The following RNF216 variants were observed in gnomAD, a reference collection of about 807,000 sequenced individuals.
RNF216 encodes ring finger protein 216, also known as E3 ubiquitin-protein ligase RNF216.
RNF216 carries 72 observed loss-of-function variants against 110.8 expected under a neutral mutation model. The observed-to-expected ratio is 0.65, with a 90% CI of 0.54 to 0.79. The LOEUF is 0.79. Ranked by LOEUF, RNF216 falls within the 30% of genes least tolerant of loss-of-function variation. RNF216 has a pLI of 0.00. For missense variants in RNF216, 1,342 were observed against 1,141.2 expected (o/e 1.18, Z -2.54); for synonymous variants, 495 against 407.5 (o/e 1.21, Z -2.59).
intron 13 of RNF216, among the ~76,000 whole-genome samples, chr7:5,703,524 GA>G (rs1445475151): frequency 6.6e-6 from 1 of 152,242 alleles, no homozygotes; most frequent in Non-Finnish European, 1.5e-5. Flanking sequence ...CTGCAGATGT[GA>G]ATTTTGGTTG....
At chr7:5,721,251 G>A (rs748660199) in intron 8 of RNF216, 79 bp from the exon 9 acceptor site, 172 of 1,271,278 alleles carry the variant, frequency 1.4e-4, no homozygotes, top group Non-Finnish European at 1.7e-4. Context: ...CATTCTTCCC[G>A]GCCTCATCCT....
chr7:5,630,017 G>C (rs575323191), intron 15 of RNF216, among the ~76,000 whole-genome samples: 11 of 152,154 alleles, frequency 7.2e-5, no homozygotes, highest in South Asian at 4.2e-4. Flanking sequence ...CCTGTGAAGA[G>C]GACACTTGGA....
chr7:5,697,741 G>C (rs972372143), intron 13 of RNF216, among the ~76,000 whole-genome samples: 1 of 152,114 alleles, frequency 6.6e-6, no homozygotes, highest in Non-Finnish European at 1.5e-5. Flanking sequence ...AAGGGTGCTC[G>C]CCTGGAGAAG....
intron 15 of RNF216, among the ~76,000 whole-genome samples, chr7:5,629,582 A>G (rs959773085): frequency 6.6e-6 from 1 of 151,630 alleles, no homozygotes; most frequent in Non-Finnish European, 1.5e-5. Context: ...TAATCCCAGC[A>G]CTTTGGGAGG....
chr7:5,627,542 T>TA (rs1407175787), intron 15 of RNF216, among the ~76,000 whole-genome samples: 4 of 152,010 alleles, frequency 2.6e-5, no homozygotes, highest in East Asian at 3.9e-4. Context: ...GGTCAGGAGA[T>TA]AGAGATCATC....
chr7:5,740,615 G>A (rs976057038), intron 4 of RNF216, among the ~76,000 whole-genome samples: 4 of 152,168 alleles, frequency 2.6e-5, no homozygotes, highest in African/African-American at 9.7e-5. Context: ...GAGCTAGTAA[G>A]TGCCATATTG....
chr7:5,685,187 C>T (rs937128337), intron 13 of RNF216, among the ~76,000 whole-genome samples: 3 of 152,188 alleles, frequency 2.0e-5, no homozygotes, highest in Admixed American at 1.3e-4. Context: ...GTACAATGTC[C>T]ACCACGGATG....
intron 3 of RNF216, among the ~76,000 whole-genome samples, chr7:5,751,132 A>C (rs1795307571): frequency 6.6e-6 from 1 of 152,164 alleles, no homozygotes; most frequent in Non-Finnish European, 1.5e-5. Flanking sequence ...AAAGTTTTAA[A>C]TGTTTCCATA....
chr7:5,688,132 G>A (rs564885481), intron 13 of RNF216, among the ~76,000 whole-genome samples: 33 of 152,264 alleles, frequency 2.2e-4, no homozygotes, highest in Admixed American at 1.7e-3. Context: ...CCCACAGTTG[G>A]CTGGTGGGGA....
chr7:5,779,588 C>A (rs966895738), intron 1 of RNF216, among the ~76,000 whole-genome samples: 1 of 146,272 alleles, frequency 6.8e-6, no homozygotes, highest in Non-Finnish European at 1.5e-5. Flanking sequence ...GCCTGTAATT[C>A]TTGTGCTTTG....
intron 13 of RNF216, among the ~76,000 whole-genome samples, chr7:5,661,710 T>G (rs767378243): frequency 7.9e-5 from 12 of 151,978 alleles, no homozygotes; most frequent in Non-Finnish European, 1.8e-4. Flanking sequence ...GGCTGAGGCA[T>G]GAGAATCGTT....
chr7:5,747,090 TCA>T (rs971327797), intron 3 of RNF216, among the ~76,000 whole-genome samples: 1 of 152,222 alleles, frequency 6.6e-6, no homozygotes, highest in Non-Finnish European at 1.5e-5. Flanking sequence ...TCCTGAATAT[TCA>T]CAGTCTACTA....
At chr7:5,721,282 C>T (rs562310718) in intron 8 of RNF216, 110 bp from the exon 9 acceptor site, 216 of 932,420 alleles carry the variant, frequency 2.3e-4, no homozygotes, top group East Asian at 6.0e-4. Flanking sequence ...TCTGATGGTA[C>T]GTTTCATGAC....
intron 7 of RNF216, among the ~76,000 whole-genome samples, chr7:5,725,712 T>G (rs1216888589): frequency 6.6e-6 from 1 of 151,862 alleles, no homozygotes; most frequent in Non-Finnish European, 1.5e-5. Context: ...TAGCCGGGCA[T>G]GGTGGCGCAC....
chr7:5,646,504 T>C (rs756878685), intron 14 of RNF216, among the ~76,000 whole-genome samples: 1 of 151,976 alleles, frequency 6.6e-6, no homozygotes, highest in Non-Finnish European at 1.5e-5. Context: ...CTATCCTGGC[T>C]AACACGGTGA....
chr7:5,695,573 G>A (rs539359706), intron 13 of RNF216, among the ~76,000 whole-genome samples: 1 of 152,354 alleles, frequency 6.6e-6, no homozygotes, highest in African/African-American at 2.4e-5. Context: ...CGCAGCTATA[G>A]ACAAGTTCTA....
Position 5,773,190 on chromosome 7 carries a change from C to T in RNF216, c.-70+8351G>A, listed in dbSNP as rs1332854841. 3.9e-5 allele frequency among the ~76,000 whole-genome samples: 6 copies of T among 151,920 alleles called. No individual in the cohort carries two copies. In the East Asian group the frequency reaches 1.2e-3, roughly 29 times the overall value. ...AGTAGCATGGTATTTAAAAGAACAG[C>T]TCTGGTATCAAATTTGAACTGCATC... On this transcript the variant is annotated intron_variant, in intron 1 of 16. Coordinates refer to ENST00000389902, the MANE Select transcript of RNF216 (RefSeq NM_207111.4).
intron 13 of RNF216, among the ~76,000 whole-genome samples, chr7:5,674,283 C>T (rs1371801870): frequency 6.6e-6 from 1 of 152,068 alleles, no homozygotes; most frequent in East Asian, 1.9e-4. Context: ...CCACCTCTGC[C>T]TCCCAAAGTG....
chr7:5,712,604 T>C, intron 12 of RNF216, 111 bp downstream of exon 12: 1 of 1,071,674 alleles, frequency 9.3e-7, no homozygotes, highest in Non-Finnish European at 1.4e-6. Flanking sequence ...CAGCAAGAAA[T>C]GTCAAAAAAC....
Sources: gnomAD v4.1 joint callset for allele counts (sites outside exome capture counted in the v4.1 genomes callset) on GRCh38, gnomAD v4.1.1 for gene constraint, MANE v1.5 for transcripts, NCBI Gene and HGNC (gene_info 2026-07-23, HGNC 2026-07-21) for gene names.